The following HSD17B7 variants were observed in gnomAD, a reference collection of about 807,000 sequenced individuals.
HSD17B7 encodes the protein hydroxysteroid 17-beta dehydrogenase 7.
Under a neutral mutation model 34.1 loss-of-function variants are expected in HSD17B7, and 17 were observed. The observed-to-expected ratio is 0.50, with a 90% confidence interval of 0.34 to 0.75. The LOEUF is 0.75. Among genes scored for constraint, HSD17B7 ranks in the 30% least tolerant of loss-of-function variants. The probability of loss-of-function intolerance (pLI) is 0.01; values close to 1 mark genes in which losing one functional copy is unlikely to be tolerated. For synonymous variants in HSD17B7, 122 were observed against 154.6 expected (o/e 0.79, Z 1.56); for missense variants, 296 against 406.6 (o/e 0.73, Z 2.34).
At chr1:162,803,677 G>T in intron 6 of HSD17B7, 142 bp downstream of exon 6, 4 of 1,014,960 alleles carry the variant, frequency 3.9e-6, no homozygotes, top group Non-Finnish European at 5.7e-6. Flanking sequence ...TACTTAATGT[G>T]AAACCTCTGC....
At position 162,812,564 on chromosome 1, in the gene HSD17B7, G is replaced by A. The variant is rs1649200513; in HGVS notation, c.*144G>A. 2 of 778,410 alleles carry A rather than the reference G, an allele frequency of 2.6e-6. No homozygotes were observed. The allele number at this position is 778,410 out of a possible 1,614,324, so 48.2% of individuals were successfully genotyped here. On this transcript the variant is annotated 3_prime_UTR_variant, in exon 9 of 9. Coordinates refer to ENST00000254521, the MANE Select transcript of HSD17B7 (RefSeq NM_016371.4). ...GTGGTGGCATGCGCATGTAGTCCCAGCTACTCAGAAGGATGAGGTGGGAGG... is the reference window on the plus strand; with the variant it reads ...GTGGTGGCATGCGCATGTAGTCCCAACTACTCAGAAGGATGAGGTGGGAGG...
chr1:162,796,253 C>G (rs890214277), intron 2 of HSD17B7, among the ~76,000 whole-genome samples: 2 of 151,834 alleles, frequency 1.3e-5, no homozygotes, highest in African/African-American at 4.8e-5. Flanking sequence ...TGCTGCAATT[C>G]CTTATTGAGA....
At chr1:162,795,974 C>T (rs1648594053) in intron 2 of HSD17B7, among the ~76,000 whole-genome samples, 1 of 151,996 alleles carries the variant, frequency 6.6e-6, no homozygotes, top group Non-Finnish European at 1.5e-5. Context: ...ATTACCTTAC[C>T]CCCATTTATC....
chr1:162,790,876 G>C (rs750445816), intron 1 of HSD17B7, 41 bp downstream of exon 1: 2 of 1,599,006 alleles, frequency 1.3e-6, no homozygotes, highest in Admixed American at 3.4e-5. Context: ...CAGCGGATCA[G>C]GGGTCCGAGA....
chr1:162,792,591 A>G (rs1648445199), intron 1 of HSD17B7, 68 bp from the exon 2 acceptor site: 1 of 1,549,086 alleles, frequency 6.5e-7, no homozygotes, highest in African/African-American at 1.4e-5. Flanking sequence ...TTTCTGAACC[A>G]GAGAGAAATG....
rs1161334360 is a variant in HSD17B7, at chr1:162,812,376, C to CA, written c.988dup (p.Thr330AsnfsTer3). 6.2e-7 allele frequency: 1 copy of CA among 1,609,122 alleles called. No individual in the cohort carries two copies. Among genetic ancestry groups the CA allele is most frequent in the East Asian group, 2.2e-5 (1 of 44,798 alleles). On this transcript the variant is annotated frameshift_variant, in exon 9 of 9. Coordinates refer to ENST00000254521, the MANE Select transcript of HSD17B7 (RefSeq NM_016371.4). LOFTEE classifies it high-confidence loss of function. ...GGAAAAGCACATTAGGGTCACTATTCAAAAAACAGATAATCAGGCCAGGCT... is the reference window on the plus strand; with the variant it reads ...GGAAAAGCACATTAGGGTCACTATTCAAAAAAACAGATAATCAGGCCAGGCT...
Position 162,804,249 on chromosome 1 carries a change from T to C in HSD17B7, c.748-18T>C, listed in dbSNP as rs1301719419. The stretch of plus-strand genomic sequence containing the variant: ...ATTCTAAACCACCAAAAAATAACAG[T>C]TGTTTTCTTTTCCGCAGCTTCGCTT... On this transcript the variant is annotated intron_variant, in intron 6 of 8. Transcript: ENST00000254521. The C allele has an allele frequency of 1.3e-6, 2 of 1,596,352 alleles. No homozygotes were observed. The highest frequency in any genetic ancestry group is 2.7e-5 in the African/African-American group (2 of 74,110).
chr1:162,797,577 G>T (rs1232877229), intron 3 of HSD17B7: 9 of 461,928 alleles, frequency 1.9e-5, no homozygotes, highest in East Asian at 1.0e-4. Context: ...GGTAGCGTGA[G>T]CTATAAGTAT....
At chr1:162,804,524 C>T (rs1281179001) in intron 7 of HSD17B7, among the ~76,000 whole-genome samples, 1 of 152,132 alleles carries the variant, frequency 6.6e-6, no homozygotes, top group Non-Finnish European at 1.5e-5. Flanking sequence ...TTAACATCTA[C>T]CATGGCACTG....
At chr1:162,800,059 G>A (rs1648755236) in intron 5 of HSD17B7, 122 bp downstream of exon 5, 1 of 828,540 alleles carries the variant, frequency 1.2e-6, no homozygotes, top group Non-Finnish European at 2.0e-6. Context: ...GATATTTGGT[G>A]TATATGAAAG....
rs1648461211 is a variant in HSD17B7 at position 162,792,851 on chromosome 1, A to C, written c.228A>C (p.Glu76Asp). The change falls in exon 2 of 9, where the codon GAA becomes GAC. Residue 76 changes from glutamate to aspartate, a missense_variant. By Grantham distance (45) the Glu-to-Asp change is conservative (BLOSUM62 2). Transcript: ENST00000254521. ...NLQSVFRASK[E>D]LKQRFQRLDC... is the part of the protein sequence containing the mutation. Reference sequence around the variant, plus strand: ...AGTCGGTCTTCCGGGCCTCCAAGGAACTTAAGCAAAGGTATATCTCTTGCT... The same window carrying C: ...AGTCGGTCTTCCGGGCCTCCAAGGACCTTAAGCAAAGGTATATCTCTTGCT... The C allele has an allele frequency of 6.2e-7, 1 of 1,614,038 alleles. No homozygotes were observed. The highest frequency in any genetic ancestry group is 1.7e-5 in the Admixed American group (1 of 60,004).
intron 8 of HSD17B7, among the ~76,000 whole-genome samples, chr1:162,810,657 A>AG (rs148255699): frequency 0.69 from 104,564 of 151,500 alleles, 36,151 homozygotes; most frequent in Middle Eastern, 0.76. Context: ...ATATATATTT[A>AG]GATAGTTAGT....
intron 4 of HSD17B7, 22 bp downstream of exon 4, chr1:162,797,938 T>G (rs375879032): frequency 1.0e-4 from 166 of 1,612,376 alleles, no homozygotes; most frequent in Non-Finnish European, 1.3e-4. Context: ...GTGGGCTTAA[T>G]AAGCTAATAT....
At chr1:162,803,985 C>T (rs1648900975) in intron 6 of HSD17B7, among the ~76,000 whole-genome samples, 2 of 152,176 alleles carry the variant, frequency 1.3e-5, no homozygotes, top group East Asian at 3.8e-4. Flanking sequence ...AAAAATGCTA[C>T]TTTTAGGAAA....
rs757537913 is a variant in HSD17B7 at position 162,797,802 on chromosome 1, A to G, written c.333A>G (p.Arg111=). The change falls in exon 4 of 9, where the codon AGA becomes AGG. Residue 111 remains arginine, a splice_region_variant and synonymous_variant. Transcript: ENST00000254521. ...ATGCAATTATCTTCTGCTGTTTCAG[A>G]AAAGTGATTCATATGTTCTCCACAG... ...IKALFFGLFS[R]KVIHMFSTAE... 34 of 1,608,014 alleles carry G rather than the reference A, an allele frequency of 2.1e-5. No individual in the cohort carries two copies. The highest frequency in any genetic ancestry group is 8.0e-5 in the African/African-American group (6 of 74,550).
At chr1:162,807,468 T>G (rs1277465572) in intron 8 of HSD17B7, among the ~76,000 whole-genome samples, 2 of 152,232 alleles carry the variant, frequency 1.3e-5, no homozygotes, top group African/African-American at 2.4e-5. Flanking sequence ...GCATGATTTA[T>G]AATCCTTTGG....
At chr1:162,795,188 A>G (rs1373086377) in intron 2 of HSD17B7, among the ~76,000 whole-genome samples, 1 of 152,214 alleles carries the variant, frequency 6.6e-6, no homozygotes, top group Non-Finnish European at 1.5e-5. Flanking sequence ...CTTCAGTTCT[A>G]AGTCTGAAAT....
At position 162,803,480 on chromosome 1, in the gene HSD17B7, CAT is replaced by C. The variant is rs771166228; in HGVS notation, c.695_696del (p.Tyr232TrpfsTer31). The C allele has an allele frequency of 1.1e-5, 18 of 1,613,020 alleles. No individual in the cohort carries two copies. Among genetic ancestry groups the C allele is most frequent in the Admixed American group, 1.7e-5 (1 of 59,990 alleles). ...CCAGGTACAGCATTGACCAATTTGA[CAT>C]ATGGAATTCTGCCTCCGTTTATATG... On this transcript the variant is annotated frameshift_variant, in exon 6 of 9. Coordinates refer to ENST00000254521, the MANE Select transcript of HSD17B7 (RefSeq NM_016371.4). LOFTEE classifies it high-confidence loss of function.
Position 162,804,291 on chromosome 1 carries a change from A to T in HSD17B7, c.772A>T (p.Thr258Ser), listed in dbSNP as rs531919953. 6.2e-7 allele frequency: 1 copy of T among 1,608,982 alleles called. No individual in the cohort carries two copies. The highest frequency in any genetic ancestry group is 1.3e-5 in the African/African-American group (1 of 74,720). The change falls in exon 7 of 9, where the codon ACT becomes TCT. Residue 258 changes from threonine to serine, a missense_variant. Thr to Ser is a moderately conservative substitution (Grantham distance 58). Transcript: ENST00000254521. ...LLLRFFANAF[T>S]LTPYNGTEAL... ...GCTTCGCTTTTTTGCAAATGCATTC[A>T]CTTTGACACCATATAATGGAACAGA...
Sources: allele counts gnomAD v4.1 joint callset (sites outside exome capture counted in the v4.1 genomes callset), GRCh38; gene constraint gnomAD v4.1.1; transcripts MANE v1.5; gene names NCBI Gene and HGNC (gene_info 2026-07-23, HGNC 2026-07-21).